The following KAZN variants were observed in gnomAD, a reference collection of about 807,000 sequenced individuals.
The protein encoded by KAZN is kazrin, periplakin interacting protein, also known as kazrin.
A neutral mutation model predicts 87.4 loss-of-function variants in KAZN; 40 were observed. The ratio of observed to expected loss-of-function variants is 0.46; its 90% confidence interval spans 0.36 to 0.60. The LOEUF (loss-of-function observed/expected upper bound fraction) is 0.60. KAZN is among the 20% of genes least tolerant of loss of function. The pLI, the probability that KAZN is intolerant of heterozygous loss-of-function variation, is 0.00. For missense variants in KAZN, 898 were observed against 1,073.9 expected (o/e 0.84, Z 2.29); for synonymous variants, 466 against 458.3 (o/e 1.02, Z -0.22).
chr1:14,004,750 G>A (rs1639962175), intron 1 of KAZN, among the ~76,000 whole-genome samples: 1 of 44,978 alleles, frequency 2.2e-5, no homozygotes, highest in Non-Finnish European at 4.5e-5. Flanking sequence ...TCATGTTGGA[G>A]CTTACTTAAT....
chr1:14,381,922 G>T (rs1661401642), intron 2 of KAZN, among the ~76,000 whole-genome samples: 1 of 151,948 alleles, frequency 6.6e-6, no homozygotes, highest in African/African-American at 2.4e-5. Flanking sequence ...CTTATATTTG[G>T]AAAAAACATA....
intron 2 of KAZN, among the ~76,000 whole-genome samples, chr1:14,202,355 G>T (rs1157446345): frequency 6.6e-6 from 1 of 152,184 alleles, no homozygotes; most frequent in Non-Finnish European, 1.5e-5. Flanking sequence ...TTTAGGGAAG[G>T]CATTCTAAAT....
At chr1:14,510,229 T>C (rs1670829564) in intron 2 of KAZN, among the ~76,000 whole-genome samples, 1 of 151,988 alleles carries the variant, frequency 6.6e-6, no homozygotes, top group Non-Finnish European at 1.5e-5. Context: ...AAATACAAAA[T>C]TAGCCAGGCG....
intron 1 of KAZN, among the ~76,000 whole-genome samples, chr1:14,051,146 G>A (rs960370179): frequency 2.0e-5 from 3 of 152,160 alleles, no homozygotes; most frequent in Non-Finnish European, 4.4e-5. Flanking sequence ...GAGGCATCAA[G>A]CGTCATAGAA....
chr1:14,423,479 T>C (rs552121992), intron 2 of KAZN, among the ~76,000 whole-genome samples: 1 of 152,192 alleles, frequency 6.6e-6, no homozygotes, highest in Non-Finnish European at 1.5e-5. Context: ...AGTATGAAAC[T>C]CTTTGGAGAA....
intron 2 of KAZN, among the ~76,000 whole-genome samples, chr1:14,447,207 A>ACAT (rs1399927248): frequency 9.9e-4 from 110 of 111,142 alleles, no homozygotes; most frequent in Non-Finnish European, 1.6e-3. Flanking sequence ...CGTTTCCACC[A>ACAT]CATTATTATT....
At chr1:14,792,453 A>G (rs1480349537) in intron 1 of KAZN, among the ~76,000 whole-genome samples, 3 of 152,202 alleles carry the variant, frequency 2.0e-5, no homozygotes, top group Admixed American at 1.3e-4. Context: ...TCCCAGTGGC[A>G]GTACAAGGTT....
chr1:14,467,342 AC>A (rs138731955), intron 2 of KAZN, among the ~76,000 whole-genome samples: 8,534 of 151,402 alleles, frequency 0.056, 380 homozygotes, highest in African/African-American at 0.13. Flanking sequence ...TAAAAAAAAA[AC>A]AACAAGGAAA....
chr1:13,930,016 G>A (rs1446803022), intron 1 of KAZN, among the ~76,000 whole-genome samples: 2 of 152,126 alleles, frequency 1.3e-5, no homozygotes, highest in East Asian at 1.9e-4. Context: ...AGAGTCTAAC[G>A]CTTAACCATT....
chr1:14,724,496 C>T (rs961465181), intron 1 of KAZN, among the ~76,000 whole-genome samples: 4 of 152,204 alleles, frequency 2.6e-5, no homozygotes, highest in Non-Finnish European at 5.9e-5. Flanking sequence ...CTCAGCATAG[C>T]TTACATGCCT....
chr1:14,924,535 TC>T (rs1193379245), intron 1 of KAZN: 1 of 1,008,654 alleles, frequency 9.9e-7, no homozygotes, highest in Non-Finnish European at 1.2e-6. Flanking sequence ...GCGCCGGGGT[TC>T]CCCGGGTCCG....
chr1:14,335,812 CAGAA>C (rs1400639136), intron 2 of KAZN, among the ~76,000 whole-genome samples: 2 of 151,774 alleles, frequency 1.3e-5, no homozygotes, highest in African/African-American at 4.8e-5. Context: ...GATGGAAGGA[CAGAA>C]AGTCAGAGAA....
rs1202322852 is a variant in KAZN at position 14,416,077 on chromosome 1, CTGCTTCATGAACTTAAG to C, written c.250-182903_250-182887del. Among the ~76,000 whole-genome samples, 4 of 152,316 alleles carry C rather than the reference CTGCTTCATGAACTTAAG, an allele frequency of 2.6e-5. 1 individual carries two copies. Among genetic ancestry groups the C allele is most frequent in the African/African-American group, 9.6e-5 (4 of 41,572 alleles). The stretch of plus-strand genomic sequence containing the variant: ...TTTGCAGAAAAAAGGCACTGCTCTC[CTGCTTCATGAACTTAAG>C]TGAAATTCCGAGGAGCAATGGGCAG... On this transcript the variant is annotated intron_variant, in intron 2 of 16. Coordinates refer to the KAZN transcript ENST00000636203.
At chr1:14,375,902 A>G (rs1402756870) in intron 2 of KAZN, among the ~76,000 whole-genome samples, 14 of 151,426 alleles carry the variant, frequency 9.2e-5, no homozygotes, top group South Asian at 4.1e-4. Context: ...ACAAAAAAAA[A>G]AAAAAGAAAT....
chr1:15,034,852 A>G lies in KAZN; in HGVS notation c.522A>G (p.Arg174=), dbSNP rs1672097892. The G allele has an allele frequency of 6.2e-7, 1 of 1,613,884 alleles. No individual in the cohort carries two copies. Among genetic ancestry groups the G allele is most frequent in the Non-Finnish European group, 8.5e-7 (1 of 1,179,952 alleles). Residue 174 remains arginine, a synonymous_variant, in exon 3 of 15, where the codon CGA becomes CGG. Transcript: ENST00000376030. The part of the protein sequence containing the change: ...ATLESREEQL[R]DFIRNYEQHR... ...TGGAGAGCCGCGAGGAGCAGCTCCG[A>G]GACTTCATCCGCAACTATGAGCAGC...
At chr1:15,048,602 TCCTGGGTCGCTGG>T (rs1673858598) in intron 4 of KAZN, among the ~76,000 whole-genome samples, 1 of 134,514 alleles carries the variant, frequency 7.4e-6, no homozygotes, top group African/African-American at 4.0e-5. Context: ...GGGTCGTCGG[TCCTGGGTCGCTGG>T]TCCTGGGTCG....
chr1:14,390,848 G>A (rs912980941), intron 2 of KAZN: 4 of 152,338 alleles, frequency 2.6e-5, no homozygotes, highest in African/African-American at 9.7e-5. Flanking sequence ...CAGAGCCCTT[G>A]GCCCTATCAC....
chr1:15,075,472 G>A (rs561688209), intron 8 of KAZN, among the ~76,000 whole-genome samples: 11 of 152,116 alleles, frequency 7.2e-5, no homozygotes, highest in East Asian at 1.9e-4. Flanking sequence ...ACTCTCATTC[G>A]GTGGATCACC....
At chr1:14,860,699 G>A (rs1242749105) in intron 1 of KAZN, among the ~76,000 whole-genome samples, 1 of 152,184 alleles carries the variant, frequency 6.6e-6, no homozygotes, top group African/African-American at 2.4e-5. Context: ...CATACACACT[G>A]CACACATATA....
Sources: allele counts gnomAD v4.1 joint callset (sites outside exome capture counted in the v4.1 genomes callset), GRCh38; gene constraint gnomAD v4.1.1; transcripts MANE v1.5; gene names NCBI Gene and HGNC (gene_info 2026-07-23, HGNC 2026-07-21).